LRRC37A2: variants seen among roughly 807,000 people sequenced by gnomAD.
LRRC37A2 encodes the protein leucine rich repeat containing 37 member A2, also known as leucine-rich repeat-containing protein 37A2.
In LRRC37A2, 9 loss-of-function variants were observed where a neutral mutation model predicts 68.8. That is an observed-to-expected ratio of 0.13 (90% CI 0.08 to 0.23). The LOEUF (loss-of-function observed/expected upper bound fraction) is 0.23. LRRC37A2 is among the 10% of genes least tolerant of loss of function. The pLI, the probability that LRRC37A2 is intolerant of heterozygous loss-of-function variation, is 1.00. For missense variants in LRRC37A2, 168 were observed against 950.4 expected (o/e 0.18, Z 10.82); for synonymous variants, 63 against 367.6 (o/e 0.17, Z 9.48).
At chr17:46,912,755 C>T in the LRRC37A2 span, among the ~76,000 whole-genome samples, 1 of 152,214 alleles carries the variant, frequency 6.6e-6, no homozygotes, top group African/African-American at 2.4e-5. Context: ...TGATGTTTCC[C>T]TGGCTTTGGG....
chr17:46,883,708 G>A, the LRRC37A2 span, among the ~76,000 whole-genome samples: 3 of 152,162 alleles, frequency 2.0e-5, no homozygotes, highest in South Asian at 2.1e-4. Flanking sequence ...TGCTGGGCAC[G>A]GCCTGGGGAC....
the LRRC37A2 span, among the ~76,000 whole-genome samples, chr17:46,854,743 C>G: frequency 1.3e-5 from 2 of 152,162 alleles, no homozygotes; most frequent in Non-Finnish European, 2.9e-5. Flanking sequence ...TCACTGCAAC[C>G]GCCACCTCCT....
At chr17:46,820,334 T>G in the LRRC37A2 span, among the ~76,000 whole-genome samples, 2 of 144,008 alleles carry the variant, frequency 1.4e-5, no homozygotes, top group Non-Finnish European at 1.5e-5. Flanking sequence ...GGAGGGGAGG[T>G]TGAAAGAGAG....
the LRRC37A2 span, chr17:46,713,838 C>A: frequency 6.2e-7 from 1 of 1,606,818 alleles, no homozygotes; most frequent in Non-Finnish European, 8.5e-7. Context: ...CTGACTTGCT[C>A]ATATCTTTAT....
the LRRC37A2 span, chr17:46,941,556 T>A: frequency 7.1e-5 from 20 of 280,644 alleles, no homozygotes; most frequent in African/African-American, 4.3e-4. Context: ...GAACCTTTTT[T>A]AAATCTCTAA....
At chr17:46,792,496 CAG>C in the LRRC37A2 span, among the ~76,000 whole-genome samples, 3 of 152,244 alleles carry the variant, frequency 2.0e-5, no homozygotes, top group Non-Finnish European at 1.5e-5. Flanking sequence ...TTTTTTGAGA[CAG>C]AGTCTTGCTC....
chr17:46,900,184 T>TATATATATATAC, the LRRC37A2 span, among the ~76,000 whole-genome samples: 1 of 122,198 alleles, frequency 8.2e-6, no homozygotes, highest in Non-Finnish European at 1.6e-5. Flanking sequence ...TATATATATA[T>TATATATATATAC]ATATATATAT....
the LRRC37A2 span, among the ~76,000 whole-genome samples, chr17:46,796,992 G>A: frequency 1.3e-5 from 2 of 152,110 alleles, no homozygotes; most frequent in African/African-American, 2.4e-5. Context: ...GAATCTTCTC[G>A]ATCCCATTTT....
chr17:46,877,123 G>T, the LRRC37A2 span: 1 of 979,562 alleles, frequency 1.0e-6, no homozygotes, highest in Non-Finnish European at 1.2e-6. Flanking sequence ...GCTGGGCTAG[G>T]AATGCCAAGG....
At chr17:46,722,455 G>A in the LRRC37A2 span, among the ~76,000 whole-genome samples, 5 of 152,060 alleles carry the variant, frequency 3.3e-5, no homozygotes, top group African/African-American at 9.7e-5. Flanking sequence ...TACTTTTCTC[G>A]CATCTTTCTT....
chr17:46,962,733 A>C, the LRRC37A2 span, among the ~76,000 whole-genome samples: 39 of 152,324 alleles, frequency 2.6e-4, no homozygotes, highest in East Asian at 5.4e-3. Flanking sequence ...TGAAGGTTGC[A>C]GTTCCTGTCA....
chr17:46,851,109 G>A, the LRRC37A2 span, among the ~76,000 whole-genome samples: 9 of 152,266 alleles, frequency 5.9e-5, no homozygotes, highest in African/African-American at 2.2e-4. This position sits in a 1 kb window ranked among gnomAD's most constrained non-coding sequence, Gnocchi z 4.3. Context: ...CCCTGAGTCT[G>A]CGGGCTGCGG....
the LRRC37A2 span, among the ~76,000 whole-genome samples, chr17:46,835,022 T>A: frequency 2.0e-5 from 3 of 152,128 alleles, no homozygotes; most frequent in South Asian, 6.2e-4. Flanking sequence ...GGAGACAGGA[T>A]CTCGCTCTGT....
At chr17:46,831,995 C>G in the LRRC37A2 span, among the ~76,000 whole-genome samples, 1 of 152,244 alleles carries the variant, frequency 6.6e-6, no homozygotes, top group South Asian at 2.1e-4. Context: ...CAGCCTTCAG[C>G]AGAGGCTTGT....
the LRRC37A2 span, among the ~76,000 whole-genome samples, chr17:46,731,748 A>T: frequency 2.6e-5 from 4 of 152,208 alleles, no homozygotes; most frequent in African/African-American, 9.6e-5. Flanking sequence ...GTTCTCTCTG[A>T]AGGGAATACC....
the LRRC37A2 span, among the ~76,000 whole-genome samples, chr17:46,671,895 T>C: frequency 1.4e-5 from 2 of 145,216 alleles, no homozygotes; most frequent in African/African-American, 5.0e-5. Context: ...ATGTATTTTT[T>C]TTTTAAGTAT....
At chr17:47,027,670 A>C in the LRRC37A2 span, 11 of 920,814 alleles carry the variant, frequency 1.2e-5, no homozygotes, top group Admixed American at 2.0e-5. Context: ...GAATTTTTAT[A>C]AAACTTAATT....
the LRRC37A2 span, chr17:46,936,270 G>A: frequency 1.0e-6 from 1 of 985,332 alleles, no homozygotes; most frequent in Non-Finnish European, 1.2e-6. Flanking sequence ...AAAAACAGTA[G>A]AGGCCTTTTA....
At chr17:46,539,189 T>C (rs4416054) in intron 6 of LRRC37A2, among the ~76,000 whole-genome samples, 2 of 70,420 alleles carry the variant, frequency 2.8e-5, no homozygotes, top group Admixed American at 1.4e-4. Flanking sequence ...CCAGCCTGGG[T>C]GACAGAGTGA....
Sources: gnomAD v4.1 joint callset for allele counts (sites outside exome capture counted in the v4.1 genomes callset) on GRCh38, gnomAD v4.1.1 for gene constraint, Gnocchi (gnomAD v3.1) non-coding constraint, MANE v1.5 for transcripts, NCBI Gene and HGNC (gene_info 2026-07-23, HGNC 2026-07-21) for gene names.